SCUBE3: variants seen among roughly 807,000 people sequenced by gnomAD.
SCUBE3 encodes the protein signal peptide, CUB domain and EGF like domain containing 3.
SCUBE3 carries 33 observed loss-of-function variants against 116.8 expected under a neutral mutation model. The ratio of observed to expected loss-of-function variants is 0.28; its 90% CI spans 0.21 to 0.38. The LOEUF is 0.38. Ranked by LOEUF, SCUBE3 falls within the 10% of genes least tolerant of loss-of-function variation. The pLI is 1.00. For synonymous variants in SCUBE3, 418 were observed against 496.9 expected, an observed-to-expected ratio of 0.84 and a Z score of 2.11; for missense variants, 1,007 against 1,324.8, an observed-to-expected ratio of 0.76 and a Z score of 3.72.
chr6:35,247,361 C>T (rs541412215), intron 21 of SCUBE3, among the ~76,000 whole-genome samples: 25 of 144,878 alleles, frequency 1.7e-4, no homozygotes, highest in Non-Finnish European at 3.1e-4. Context: ...TTGCTTGGAC[C>T]GGGGAGGCAG....
rs758876639 is a variant in SCUBE3 at position 35,246,176 on chromosome 6, CT to C, written c.2753-29del. The C allele has an allele frequency of 6.2e-6, 10 of 1,612,642 alleles. No individual in the cohort carries two copies. The South Asian group carries it at 1.1e-4, about 18-fold the overall frequency. On this transcript the variant is annotated intron_variant, in intron 20 of 21. Transcript: ENST00000274938. The stretch of plus-strand genomic sequence containing the variant: ...AGGAGAGCAGGAAGAGCTCCCGCCC[CT>C]GAGCCCCTCACCTTGGTTGACTTTG...
At chr6:35,236,242 G>C (rs1000193646) in intron 6 of SCUBE3, among the ~76,000 whole-genome samples, 1 of 152,188 alleles carries the variant, frequency 6.6e-6, no homozygotes, top group African/African-American at 2.4e-5. Context: ...GAGACTATAT[G>C]GTCCTGCTGC....
intron 1 of SCUBE3, chr6:35,223,729 G>C (rs945335942): frequency 1.3e-5 from 2 of 152,244 alleles, no homozygotes; most frequent in African/African-American, 4.8e-5. Context: ...GCTAAGATGA[G>C]ACTGTGCTGT....
rs770972056 is a variant in SCUBE3 at position 35,243,232 on chromosome 6, G to A, written c.1905G>A (p.Lys635=). The change falls in exon 15 of 22, where the codon AAG becomes AAA. Residue 635 remains lysine, a synonymous_variant. Coordinates refer to ENST00000274938, the MANE Select transcript of SCUBE3 (RefSeq NM_152753.4). This position sits in a 1 kb window ranked among gnomAD's most constrained non-coding sequence, Gnocchi z 6.6. Reference sequence around the variant, plus strand: ...CCGGGCAGCACCGTGCTGGGACCAAGTGTGGTAAGGGAGCTTACTGGGGAG... The same window carrying A: ...CCGGGCAGCACCGTGCTGGGACCAAATGTGGTAAGGGAGCTTACTGGGGAG... ...CRPGQHRAGT[K]CVSCPQGTYY... 1 of 1,613,404 alleles carries A rather than the reference G, an allele frequency of 6.2e-7. No homozygotes were observed. Among genetic ancestry groups the A allele is most frequent in the East Asian group, 2.2e-5 (1 of 44,880 alleles).
chr6:35,225,090 G>T (rs979538439), intron 1 of SCUBE3, among the ~76,000 whole-genome samples: 6 of 151,650 alleles, frequency 4.0e-5, no homozygotes, highest in Non-Finnish European at 8.8e-5. Flanking sequence ...ACTGTCTCGA[G>T]CATCTATTGC....
chr6:35,220,019 C>T (rs1783063989), intron 1 of SCUBE3, among the ~76,000 whole-genome samples: 1 of 152,232 alleles, frequency 6.6e-6, no homozygotes, highest in Non-Finnish European at 1.5e-5. Context: ...TGCCCAAAGC[C>T]TCAGAGCATC....
intron 1 of SCUBE3, chr6:35,224,767 CACAGTCTCTA>C (rs965209672): frequency 6.6e-6 from 1 of 151,910 alleles, no homozygotes; most frequent in African/African-American, 2.4e-5. Flanking sequence ...TATAGTCTGA[CACAGTCTCTA>C]GTGAAGCACC....
rs1784084430 is a variant in SCUBE3, at chr6:35,241,982, A to G, written c.1417+72A>G. On this transcript the variant is annotated intron_variant, in intron 12 of 21. Transcript: ENST00000274938. The surrounding 1 kb of genome is among the most constrained non-coding windows in gnomAD (Gnocchi z 4.1). ...TAATCCCTTATTTTTGTTCTTCATC[A>G]ATCCCCTGGCCTTCCTTTCTCCTGG... 8.8e-7 allele frequency: 1 copy of G among 1,133,568 alleles called. No homozygotes were observed. The highest frequency in any genetic ancestry group is 1.2e-5 in the South Asian group (1 of 81,546). The allele number at this position is 1,133,568 out of a possible 1,614,324, so 70.2% of individuals were successfully genotyped here. A position where few individuals can be genotyped will look rare whatever the true frequency, so the allele number is the denominator to read the frequency against.
Position 35,244,589 on chromosome 6 carries a change from C to T in SCUBE3, c.2240-61C>T. The T allele has an allele frequency of 1.5e-6, 2 of 1,370,230 alleles. No homozygotes were observed. The highest frequency in any genetic ancestry group is 2.3e-5 in the East Asian group (1 of 43,540). The allele number at this position is 1,370,230 out of a possible 1,614,324, so 84.9% of individuals were successfully genotyped here. The stretch of plus-strand genomic sequence containing the variant: ...CAGGATGAATGTATCCTGTCCATCC[C>T]ATGCCCCGTAACTCCCACCTGCCTA... On this transcript the variant is annotated intron_variant, in intron 17 of 21. Coordinates refer to ENST00000274938, the MANE Select transcript of SCUBE3 (RefSeq NM_152753.4). This position sits in a 1 kb window ranked among gnomAD's most constrained non-coding sequence, Gnocchi z 4.3.
intron 1 of SCUBE3, among the ~76,000 whole-genome samples, chr6:35,227,288 C>T (rs532850664): frequency 6.6e-6 from 1 of 152,278 alleles, no homozygotes; most frequent in South Asian, 2.1e-4. Flanking sequence ...ACTACCCACT[C>T]TAAGGGTTTT....
At position 35,239,871 on chromosome 6, in the gene SCUBE3, C is replaced by G. The variant is rs35847323; in HGVS notation, c.949C>G (p.Gln317Glu). The part of the protein sequence containing the change: ...YKLLINERNC[Q>E]DIDECSFDRT... ...GCTTCTCATCAATGAGAGGAACTGC[C>G]AGGGTGAGCAGACTCAGCCAAAGGT... The change falls in exon 8 of 22, where the codon CAG (glutamine) becomes GAG (glutamate). Residue 317 changes from glutamine to glutamate, a missense_variant. Gln to Glu is a conservative substitution (Grantham distance 29, BLOSUM62 2). Transcript: ENST00000274938. The surrounding 1 kb of genome is among the most constrained non-coding windows in gnomAD (Gnocchi z 4.1). 1.5e-3 allele frequency: 2,409 copies of G among 1,598,736 alleles called. 10 individuals are homozygous for G. In the African/African-American group the frequency reaches 0.015, roughly 10 times the overall value.
Position 35,245,694 on chromosome 6 carries a change from G to C in SCUBE3, c.2600-250G>C, listed in dbSNP as rs1218190260. Reference sequence around the variant, plus strand: ...ATCACTTTCCTATCCTAGCATTTTTGCCATTCCATTCATTTAAATGTCATA... The same window carrying C: ...ATCACTTTCCTATCCTAGCATTTTTCCCATTCCATTCATTTAAATGTCATA... On this transcript the variant is annotated intron_variant, in intron 19 of 21. Coordinates refer to ENST00000274938, the MANE Select transcript of SCUBE3 (RefSeq NM_152753.4). This position sits in a 1 kb window ranked among gnomAD's most constrained non-coding sequence, Gnocchi z 4.2. 6.6e-6 allele frequency among the ~76,000 whole-genome samples: 1 copy of C among 152,110 alleles called. No homozygotes were observed. Among genetic ancestry groups the C allele is most frequent in the Non-Finnish European group, 1.5e-5 (1 of 68,028 alleles).
At chr6:35,217,907 T>C (rs895654324) in intron 1 of SCUBE3, among the ~76,000 whole-genome samples, 7 of 152,132 alleles carry the variant, frequency 4.6e-5, no homozygotes, top group Non-Finnish European at 1.0e-4. Context: ...TTGACCTCTC[T>C]TCTCTCATGA....
rs1171317763 is a variant in SCUBE3 at position 35,243,782 on chromosome 6, T to C, written c.2071+27T>C. On this transcript the variant is annotated intron_variant, in intron 16 of 21. Coordinates refer to ENST00000274938, the MANE Select transcript of SCUBE3 (RefSeq NM_152753.4). This position sits in a 1 kb window ranked among gnomAD's most constrained non-coding sequence, Gnocchi z 6.6. ...TGCCAGGGGAACAAACAATACAGAGTGGGGTAGGGTGGGCACTGGGATGCC... is the reference window on the plus strand; with the variant it reads ...TGCCAGGGGAACAAACAATACAGAGCGGGGTAGGGTGGGCACTGGGATGCC... 3 of 1,604,334 alleles carry C rather than the reference T, an allele frequency of 1.9e-6. No individual in the cohort carries two copies. Among genetic ancestry groups the C allele is most frequent in the East Asian group, 2.2e-5 (1 of 44,622 alleles).
chr6:35,248,514 C>T, intron 21 of SCUBE3, 42 bp from the exon 22 acceptor site: 3 of 1,605,880 alleles, frequency 1.9e-6, no homozygotes, highest in Non-Finnish European at 2.6e-6. Flanking sequence ...CTTTCCCACC[C>T]CCGACGGTGA....
chr6:35,239,273 C>T lies in SCUBE3; in HGVS notation c.830-479C>T, dbSNP rs1267328617. Among the ~76,000 whole-genome samples the T allele has an allele frequency of 3.9e-5, 6 of 152,104 alleles. No homozygotes were observed. The highest frequency in any genetic ancestry group is 1.4e-4 in the African/African-American group (6 of 41,408). Reference sequence around the variant, plus strand: ...TCCTCCTCCTCCCTAAAGGGCTGCCCGTTTTCAGTGAGTCCCTTTAGACCC... The same window carrying T: ...TCCTCCTCCTCCCTAAAGGGCTGCCTGTTTTCAGTGAGTCCCTTTAGACCC... On this transcript the variant is annotated intron_variant, in intron 7 of 21. Transcript: ENST00000274938. This position sits in a 1 kb window ranked among gnomAD's most constrained non-coding sequence, Gnocchi z 4.1.
At chr6:35,226,479 C>CTTTTTTTTTGTTTTTTTTTTTTTT (rs1562044702) in intron 1 of SCUBE3, among the ~76,000 whole-genome samples, 1 of 52,168 alleles carries the variant, frequency 1.9e-5, no homozygotes, top group Non-Finnish European at 4.2e-5. Flanking sequence ...TTTTCTATGT[C>CTTTTTTTTTGTTTTTTTTTTTTTT]CTTTTTTTTT....
At position 35,241,941 on chromosome 6, in the gene SCUBE3, C is replaced by A; in HGVS notation, c.1417+31C>A. On this transcript the variant is annotated intron_variant, in intron 12 of 21. Transcript: ENST00000274938. This position sits in a 1 kb window ranked among gnomAD's most constrained non-coding sequence, Gnocchi z 4.1. ...CACCAGCCCAGAAGCCCTGTTCCCA[C>A]CCTACTCTCTTACATTAATCCCTTA... 1 of 1,412,650 alleles carries A rather than the reference C, an allele frequency of 7.1e-7. No homozygotes were observed. The highest frequency in any genetic ancestry group is 1.0e-6 in the Non-Finnish European group (1 of 1,004,010). The allele number at this position is 1,412,650 out of a possible 1,614,324, so 87.5% of individuals were successfully genotyped here.
At position 35,219,712 on chromosome 6, in the gene SCUBE3, G is replaced by A. The variant is rs761626173; in HGVS notation, c.85+5209G>A. On this transcript the variant is annotated intron_variant, in intron 1 of 21. Coordinates refer to ENST00000274938, the MANE Select transcript of SCUBE3 (RefSeq NM_152753.4). The surrounding 1 kb of genome is among the most constrained non-coding windows in gnomAD (Gnocchi z 4.7). The stretch of plus-strand genomic sequence containing the variant: ...TATGTGGGCATTGGGGGGAGGGCTG[G>A]GGAAGGGGAGTGCTTGAAGGGTAGA... 6.6e-6 allele frequency among the ~76,000 whole-genome samples: 1 copy of A among 152,138 alleles called. No individual in the cohort carries two copies. Among genetic ancestry groups the A allele is most frequent in the Non-Finnish European group, 1.5e-5 (1 of 68,016 alleles).
Sources: allele counts gnomAD v4.1 joint callset (sites outside exome capture counted in the v4.1 genomes callset), GRCh38; gene constraint gnomAD v4.1.1; non-coding constraint Gnocchi (gnomAD v3.1); transcripts MANE v1.5; gene names NCBI Gene and HGNC (gene_info 2026-07-23, HGNC 2026-07-21).